The following STK32B variants were observed in gnomAD, a reference collection of about 807,000 sequenced individuals.
STK32B encodes the protein serine/threonine kinase 32B, also known as serine/threonine-protein kinase 32B.
Under a neutral mutation model 52.6 loss-of-function variants are expected in STK32B, and 43 were observed. The ratio of observed to expected loss-of-function variants is 0.82; its 90% CI spans 0.64 to 1.05. The LOEUF (loss-of-function observed/expected upper bound fraction) is 1.05. STK32B is among the 50% of genes least tolerant of loss of function. The probability of loss-of-function intolerance (pLI) is 0.00; values close to 1 mark genes in which losing one functional copy is unlikely to be tolerated. For synonymous variants in STK32B, 238 were observed against 204.3 expected (o/e 1.17, Z -1.41); for missense variants, 621 against 534.6 (o/e 1.16, Z -1.59).
intron 3 of STK32B, among the ~76,000 whole-genome samples, chr4:5,169,942 T>C (rs768486836): frequency 1.3e-4 from 20 of 152,246 alleles, no homozygotes; most frequent in Non-Finnish European, 2.6e-4. Context: ...GTTATTGATA[T>C]ATAAACATTC....
At chr4:5,077,104 C>G (rs1712128705) in intron 1 of STK32B, among the ~76,000 whole-genome samples, 1 of 152,124 alleles carries the variant, frequency 6.6e-6, no homozygotes, top group Non-Finnish European at 1.5e-5. Flanking sequence ...GGGCAAGAAC[C>G]TTTTCTGCCA....
intron 5 of STK32B, among the ~76,000 whole-genome samples, chr4:5,412,473 C>G (rs1240632292): frequency 6.6e-6 from 1 of 152,100 alleles, no homozygotes; most frequent in African/African-American, 2.4e-5. Context: ...TACCTGAATT[C>G]CTGGGTGGAA....
intron 2 of STK32B, among the ~76,000 whole-genome samples, chr4:5,161,216 CT>C (rs1718417806): frequency 6.6e-6 from 1 of 152,102 alleles, no homozygotes; most frequent in South Asian, 2.1e-4. Flanking sequence ...TTGAGACCAA[CT>C]TTTGATCCCT....
the STK32B span, among the ~76,000 whole-genome samples, chr4:5,045,120 T>C: frequency 2.0e-5 from 3 of 152,238 alleles, no homozygotes; most frequent in African/African-American, 7.2e-5. Context: ...TCTGTCATAC[T>C]TCCCTGTTCA....
intron 3 of STK32B, among the ~76,000 whole-genome samples, chr4:5,219,336 G>T (rs1235291147): frequency 6.6e-6 from 1 of 152,216 alleles, no homozygotes; most frequent in Non-Finnish European, 1.5e-5. Flanking sequence ...ACTCCTTCCT[G>T]TAGAGGAACC....
intron 4 of STK32B, among the ~76,000 whole-genome samples, chr4:5,363,609 A>C (rs1322133150): frequency 6.6e-6 from 1 of 152,234 alleles, no homozygotes; most frequent in Non-Finnish European, 1.5e-5. Context: ...CCACAATAGA[A>C]TGACTTTTAG....
chr4:5,175,540 G>T (rs762981424), intron 3 of STK32B, among the ~76,000 whole-genome samples: 1 of 152,180 alleles, frequency 6.6e-6, no homozygotes, highest in Middle Eastern at 3.2e-3. Flanking sequence ...CTCAGCTTTA[G>T]GTCTGTTGGA....
intron 1 of STK32B, among the ~76,000 whole-genome samples, chr4:5,100,525 T>TCTTTCCTTCCTTCCTTTCCTC (rs1230408514): frequency 1.4e-5 from 2 of 139,834 alleles, no homozygotes; most frequent in African/African-American, 5.3e-5. Context: ...CCTTCTTCTC[T>TCTTTCCTTCCTTCCTTTCCTC]CTTTCCTTCC....
chr4:5,042,532 T>C, the STK32B span, among the ~76,000 whole-genome samples: 1 of 152,054 alleles, frequency 6.6e-6, no homozygotes, highest in South Asian at 2.1e-4. Context: ...TCAAAATAAT[T>C]CTTCCAGACC....
intron 5 of STK32B, 97 bp from the exon 6 acceptor site, chr4:5,416,748 G>A (rs1334088629): frequency 1.1e-6 from 1 of 939,330 alleles, no homozygotes; most frequent in African/African-American, 1.7e-5. Flanking sequence ...AAGTTCTAAT[G>A]TTTTCTTCAC....
In STK32B at chr4:5,398,480, T is replaced by C. The variant is rs1428131625; in HGVS notation, c.472+236T>C. Among the ~76,000 whole-genome samples the C allele has an allele frequency of 1.3e-5, 2 of 152,198 alleles. No homozygotes were observed. Among genetic ancestry groups the C allele is most frequent in the African/African-American group, 4.8e-5 (2 of 41,450 alleles). On this transcript the variant is annotated intron_variant, in intron 5 of 11. Coordinates refer to ENST00000282908, the MANE Select transcript of STK32B (RefSeq NM_018401.3). This position sits in a 1 kb window ranked among gnomAD's most constrained non-coding sequence, Gnocchi z 4.9. ...TCGCATCTGAAGTCATTGCTGTTCA[T>C]ATCCCCGTGTGAGGAGGACAGGGCC...
At chr4:5,194,343 T>C (rs1164784252) in intron 3 of STK32B, among the ~76,000 whole-genome samples, 4 of 152,230 alleles carry the variant, frequency 2.6e-5, no homozygotes, top group East Asian at 3.8e-4. Context: ...GGACTTAGTA[T>C]GTTCAGAAGT....
intron 3 of STK32B, among the ~76,000 whole-genome samples, chr4:5,274,391 G>C (rs969732825): frequency 1.3e-4 from 20 of 152,104 alleles, no homozygotes; most frequent in African/African-American, 4.8e-4. Context: ...ATGGTGGGGG[G>C]TAGGGTGGGA....
intron 2 of STK32B, among the ~76,000 whole-genome samples, chr4:5,163,815 C>A (rs13111796): frequency 0.27 from 40,858 of 152,000 alleles, 5,680 homozygotes; most frequent in East Asian, 0.34. Context: ...AAACCTTAAA[C>A]TACCAGAAAT....
intron 3 of STK32B, among the ~76,000 whole-genome samples, chr4:5,317,141 TA>T: frequency 2.4e-5 from 1 of 42,012 alleles, no homozygotes; most frequent in African/African-American, 1.6e-4. Context: ...ATATAATATA[TA>T]TGTATAATAT....
intron 3 of STK32B, among the ~76,000 whole-genome samples, chr4:5,250,310 C>CTTTT (rs143911318): frequency 7.5e-5 from 9 of 119,250 alleles, no homozygotes; most frequent in African/African-American, 2.5e-4. Context: ...GTTTTAAGTT[C>CTTTT]TTTTTTTTTT....
intron 11 of STK32B, among the ~76,000 whole-genome samples, chr4:5,488,664 A>AT (rs1304046512): frequency 6.6e-6 from 1 of 152,158 alleles, no homozygotes; most frequent in Non-Finnish European, 1.5e-5. Context: ...TAACTCAGTC[A>AT]TTTTATTTGA....
At chr4:5,254,373 TTG>T (rs1560263624) in intron 3 of STK32B, among the ~76,000 whole-genome samples, 4 of 152,166 alleles carry the variant, frequency 2.6e-5, no homozygotes, top group African/African-American at 9.7e-5. Flanking sequence ...TATTGTTTAT[TTG>T]TTTTTATTTC....
intron 1 of STK32B, chr4:5,127,132 G>A (rs774698911): frequency 5.3e-5 from 27 of 511,102 alleles, no homozygotes; most frequent in South Asian, 3.9e-4. Context: ...AAACAAGCTA[G>A]GATCTTGATG....
Sources: gnomAD v4.1 joint callset for allele counts (sites outside exome capture counted in the v4.1 genomes callset) on GRCh38, gnomAD v4.1.1 for gene constraint, Gnocchi (gnomAD v3.1) non-coding constraint, MANE v1.5 for transcripts, NCBI Gene and HGNC (gene_info 2026-07-23, HGNC 2026-07-21) for gene names.